The following WASHC4 variants were observed in gnomAD, a reference collection of about 807,000 sequenced individuals.
WASHC4 encodes WASH complex subunit 7.
In WASHC4, 86 loss-of-function variants were observed where a neutral mutation model predicts 166.6. The observed-to-expected ratio is 0.52, with a 90% CI of 0.43 to 0.62. The LOEUF is 0.62. Among genes scored for constraint, WASHC4 ranks in the 20% least tolerant of loss-of-function variants. The pLI, the probability that WASHC4 is intolerant of heterozygous loss-of-function variation, is 0.00. For missense variants in WASHC4, 1,262 were observed against 1,382.4 expected, an observed-to-expected ratio of 0.91 and a Z score of 1.38; for synonymous variants, 446 against 451.6, an observed-to-expected ratio of 0.99 and a Z score of 0.16.
rs58569487 is a variant in WASHC4, at chr12:105,132,787, A to AGTGTGT, written c.1200-944_1200-939dup. Among the ~76,000 whole-genome samples the AGTGTGT allele has an allele frequency of 3.5e-3, 494 of 142,530 alleles. 5 individuals carry two copies. The highest frequency in any genetic ancestry group is 8.1e-3 in the African/African-American group (306 of 37,890). 93.5% of individuals were successfully genotyped at this position (142,530 alleles called of 152,430 possible). A position where few individuals can be genotyped will look rare whatever the true frequency, so the allele number is the denominator to read the frequency against. ...AGTTAATGTGAGGGGTGAAAGAGGTAGTGTGTGTGTGTGTGTGTGTGTGTG... is the reference window on the plus strand; with the variant it reads ...AGTTAATGTGAGGGGTGAAAGAGGTAGTGTGTGTGTGTGTGTGTGTGTGTGTGTGTG... On this transcript the variant is annotated intron_variant, in intron 13 of 32. Coordinates refer to ENST00000332180, the MANE Select transcript of WASHC4 (RefSeq NM_015275.3).
intron 10 of WASHC4, among the ~76,000 whole-genome samples, chr12:105,124,296 T>G (rs748525351): frequency 6.0e-5 from 9 of 151,186 alleles, no homozygotes; most frequent in Non-Finnish European, 1.2e-4. Flanking sequence ...ATTTTGTATT[T>G]TTAGTAGAGA....
At position 105,122,169 on chromosome 12, in the gene WASHC4, AAAATT is replaced by A. The variant is rs747118155; in HGVS notation, c.721_725del (p.Leu241AlafsTer3). The A allele has an allele frequency of 9.9e-6, 16 of 1,611,632 alleles. No homozygotes were observed. The highest frequency in any genetic ancestry group is 1.4e-5 in the Non-Finnish European group (16 of 1,178,166). ...CTTCAAAATTTGGAATTCAGGAAGA[AAAATT>A]AAAGCCATTTGAAAAGTTCTTGCTG... On this transcript the variant is annotated frameshift_variant, in exon 10 of 33. Coordinates refer to ENST00000332180, the MANE Select transcript of WASHC4 (RefSeq NM_015275.3). LOFTEE classifies it high-confidence loss of function.
chr12:105,165,502 A>G (rs1229580164), intron 32 of WASHC4, among the ~76,000 whole-genome samples: 1 of 152,246 alleles, frequency 6.6e-6, no homozygotes, highest in East Asian at 1.9e-4. Flanking sequence ...AAAACTAGAT[A>G]CAGCGACTAG....
chr12:105,156,856 T>C lies in WASHC4; in HGVS notation c.2825+64T>C, dbSNP rs1884194090. The C allele has an allele frequency of 1.1e-5, 13 of 1,155,312 alleles. No individual in the cohort carries two copies. The South Asian group carries it at 1.6e-4, about 14-fold the overall frequency. 71.6% of individuals were successfully genotyped at this position (1,155,312 alleles called of 1,614,324 possible). On this transcript the variant is annotated intron_variant, in intron 27 of 32. Transcript: ENST00000332180. The stretch of plus-strand genomic sequence containing the variant: ...TTTTAAAAATTGTGTCCATTAAATA[T>C]ATGTTACAAGTGATATTGTAGATAA...
At chr12:105,138,075 T>G in intron 15 of WASHC4, 64 bp downstream of exon 15, 13 of 1,530,456 alleles carry the variant, frequency 8.5e-6, no homozygotes, top group Non-Finnish European at 1.2e-5. Context: ...TAAATTAGGA[T>G]AATCTTGTAA....
Position 105,152,456 on chromosome 12 carries a change from G to T in WASHC4, c.2758+5G>T. 6.7e-7 allele frequency: 1 copy of T among 1,486,554 alleles called. No individual in the cohort carries two copies. Among genetic ancestry groups the T allele is most frequent in the Non-Finnish European group, 9.4e-7 (1 of 1,064,074 alleles). The allele number at this position is 1,486,554 out of a possible 1,614,324, so 92.1% of individuals were successfully genotyped here. ...GGCAACTCATCAGCCAGATTGGTAA[G>T]TTATGATAAAAGTGTTGGGAAATCA... is the stretch of plus-strand genomic sequence containing the variant. On this transcript the variant is annotated splice_donor_5th_base_variant and intron_variant, in intron 26 of 32. Transcript: ENST00000332180.
intron 7 of WASHC4, among the ~76,000 whole-genome samples, chr12:105,119,401 T>A (rs936527544): frequency 1.3e-5 from 2 of 152,242 alleles, no homozygotes; most frequent in African/African-American, 4.8e-5. Context: ...GGATTATTAA[T>A]GATGAGAAGA....
At chr12:105,133,284 T>C (rs907106362) in intron 13 of WASHC4, among the ~76,000 whole-genome samples, 2 of 152,218 alleles carry the variant, frequency 1.3e-5, no homozygotes, top group Non-Finnish European at 2.9e-5. Context: ...TCTTTCACTT[T>C]TCTGCACTTC....
In WASHC4 at chr12:105,126,135, A is replaced by G; in HGVS notation, c.910+8A>G. 1 of 1,612,996 alleles carries G rather than the reference A, an allele frequency of 6.2e-7. No individual in the cohort carries two copies. The highest frequency in any genetic ancestry group is 8.5e-7 in the Non-Finnish European group (1 of 1,179,334). ...ATGTAGAAGCCAAACTTGGTAATGT[A>G]AATCGCATTTTTTGGTTTTTGTTTA... On this transcript the variant is annotated splice_region_variant and intron_variant, in intron 11 of 32. Coordinates refer to ENST00000332180, the MANE Select transcript of WASHC4 (RefSeq NM_015275.3).
At chr12:105,166,803 CTTAATTTA>C (rs1884836650) in intron 32 of WASHC4, 53 bp from the exon 33 acceptor site, 2 of 1,196,258 alleles carry the variant, frequency 1.7e-6, no homozygotes, top group Admixed American at 3.4e-5. Flanking sequence ...TCTTTTACTT[CTTAATTTA>C]TTGTTTAAAA....
Position 105,114,204 on chromosome 12 carries a change from T to G in WASHC4, c.202-12T>G. ...AAATTAAAAGAAATGTTCTTTTCCT[T>G]TGTTTCTGTAGCTTTTGCCTTATGA... On this transcript the variant is annotated splice_polypyrimidine_tract_variant and intron_variant, in intron 2 of 32. Transcript: ENST00000332180. 6.2e-7 allele frequency: 1 copy of G among 1,606,644 alleles called. No individual in the cohort carries two copies. The highest frequency in any genetic ancestry group is 8.5e-7 in the Non-Finnish European group (1 of 1,175,138).
chr12:105,108,651 T>C (rs1879320299), intron 1 of WASHC4, among the ~76,000 whole-genome samples: 1 of 152,208 alleles, frequency 6.6e-6, no homozygotes, highest in Non-Finnish European at 1.5e-5. Flanking sequence ...CTACTTGAAA[T>C]AAATACAAGT....
intron 1 of WASHC4, 43 bp from the exon 2 acceptor site, chr12:105,111,082 A>C: frequency 6.8e-7 from 1 of 1,463,666 alleles, no homozygotes. Context: ...CCTGCAATTC[A>C]TTACTTGCAC....
chr12:105,112,481 T>C (rs879869284), intron 2 of WASHC4, among the ~76,000 whole-genome samples: 2 of 152,208 alleles, frequency 1.3e-5, no homozygotes, highest in Non-Finnish European at 2.9e-5. Flanking sequence ...TGTTTAACTT[T>C]TTGAGGAACT....
chr12:105,119,211 A>G (rs1431380250), intron 7 of WASHC4, among the ~76,000 whole-genome samples: 1 of 152,170 alleles, frequency 6.6e-6, no homozygotes, highest in Non-Finnish European at 1.5e-5. Flanking sequence ...TGAGGAGGTG[A>G]TACTGCCTGG....
chr12:105,115,275 G>T, intron 5 of WASHC4, 46 bp downstream of exon 5: 1 of 1,161,708 alleles, frequency 8.6e-7, no homozygotes, highest in South Asian at 1.2e-5. Context: ...ATATTGAAAT[G>T]AACAAAAAGT....
At position 105,122,112 on chromosome 12, in the gene WASHC4, C is replaced by G; in HGVS notation, c.666-6C>G. ...ATTTAAGATGTTTCTCTTAATTTTCCTCAAGGTTACTGAAATCTGTCCATC... is the reference window on the plus strand; with the variant it reads ...ATTTAAGATGTTTCTCTTAATTTTCGTCAAGGTTACTGAAATCTGTCCATC... On this transcript the variant is annotated splice_region_variant and splice_polypyrimidine_tract_variant and intron_variant, in intron 9 of 32. Transcript: ENST00000332180. The G allele has an allele frequency of 1.9e-6, 3 of 1,587,452 alleles. No homozygotes were observed. The South Asian group carries it at 3.3e-5, about 18-fold the overall frequency.
At chr12:105,129,888 C>T (rs1299150524) in intron 13 of WASHC4, among the ~76,000 whole-genome samples, 1 of 152,182 alleles carries the variant, frequency 6.6e-6, no homozygotes, top group Non-Finnish European at 1.5e-5. Context: ...TAGCTTTAAA[C>T]ATACCATGTT....
chr12:105,162,891 G>A (rs747175892), intron 30 of WASHC4, 46 bp downstream of exon 30: 1 of 941,474 alleles, frequency 1.1e-6, no homozygotes, highest in Admixed American at 2.0e-5. Flanking sequence ...TATTGACCTT[G>A]TAATGGATTC....
Sources: gnomAD v4.1 joint callset for allele counts (sites outside exome capture counted in the v4.1 genomes callset) on GRCh38, gnomAD v4.1.1 for gene constraint, MANE v1.5 for transcripts, NCBI Gene and HGNC (gene_info 2026-07-23, HGNC 2026-07-21) for gene names.